The following RBL1 variants were observed in gnomAD, a reference collection of about 807,000 sequenced individuals.
RBL1 encodes RB transcriptional corepressor like 1.
Under a neutral mutation model 123.0 loss-of-function variants are expected in RBL1, and 82 were observed. The observed-to-expected ratio is 0.67, with a 90% CI of 0.56 to 0.80. The LOEUF is 0.80. Ranked by LOEUF, RBL1 falls within the 30% of genes least tolerant of loss-of-function variation. RBL1 has a pLI of 0.00. For missense variants in RBL1, 1,171 were observed against 1,299.6 expected (o/e 0.90, Z 1.52); for synonymous variants, 405 against 441.3 (o/e 0.92, Z 1.03).
intron 9 of RBL1, among the ~76,000 whole-genome samples, chr20:37,059,291 G>GT (rs1270158928): frequency 6.6e-6 from 1 of 152,210 alleles, no homozygotes; most frequent in South Asian, 2.1e-4. Flanking sequence ...TATCCTGAAG[G>GT]TTTGAGGAAT....
intron 21 of RBL1, among the ~76,000 whole-genome samples, chr20:37,000,934 C>T (rs1387481740): frequency 4.1e-5 from 6 of 144,818 alleles, no homozygotes; most frequent in South Asian, 2.2e-4. Flanking sequence ...CCGCCCCATC[C>T]GGGAGGTGAG....
At chr20:37,061,033 C>A (rs930686541) in intron 9 of RBL1, 70 bp downstream of exon 9, 4 of 1,409,294 alleles carry the variant, frequency 2.8e-6, no homozygotes, top group Non-Finnish European at 2.8e-6. Flanking sequence ...TCTGAATATA[C>A]TAAAAATAGA....
intron 11 of RBL1, among the ~76,000 whole-genome samples, chr20:37,048,259 C>T (rs1270189896): frequency 6.6e-6 from 1 of 152,146 alleles, no homozygotes; most frequent in African/African-American, 2.4e-5. Flanking sequence ...GGTGGGTGAT[C>T]TGAAAGTCTT....
intron 18 of RBL1, 24 bp downstream of exon 18, chr20:37,020,635 A>G (rs1183364703): frequency 2.0e-6 from 3 of 1,468,660 alleles, no homozygotes; most frequent in Non-Finnish European, 1.9e-6. Context: ...ATTTTTGGAC[A>G]GTAGGAAAAA....
intron 21 of RBL1, among the ~76,000 whole-genome samples, chr20:36,999,522 C>T (rs1056531920): frequency 1.1e-4 from 16 of 147,408 alleles, no homozygotes; most frequent in Non-Finnish European, 2.1e-4. Flanking sequence ...TCTCTTTCCA[C>T]GGTCTCCCCC....
chr20:37,048,286 C>T (rs2064848868), intron 11 of RBL1, among the ~76,000 whole-genome samples: 1 of 152,136 alleles, frequency 6.6e-6, no homozygotes, highest in African/African-American at 2.4e-5. Context: ...CTCAGGTCCC[C>T]ACACAACCCC....
At chr20:37,092,537 T>C (rs2065665897) in intron 1 of RBL1, among the ~76,000 whole-genome samples, 1 of 152,048 alleles carries the variant, frequency 6.6e-6, no homozygotes, top group Non-Finnish European at 1.5e-5. Context: ...CCCAGCTAAT[T>C]TTTGTAGAGA....
Position 37,025,494 on chromosome 20 carries a change from C to T in RBL1, c.2383-2668G>A, listed in dbSNP as rs562219768. On this transcript the variant is annotated intron_variant, in intron 16 of 21. Coordinates refer to ENST00000373664, the MANE Select transcript of RBL1 (RefSeq NM_002895.5). ...ATGATCTTGCCACTGCACCCCTGCA[C>T]GGGTGACAGAGCAAGACCTTGTCTC... Among the ~76,000 whole-genome samples, 13 of 151,570 alleles carry T rather than the reference C, an allele frequency of 8.6e-5. No individual in the cohort carries two copies. The South Asian group carries it at 2.7e-3, about 31-fold the overall frequency.
chr20:37,092,465 C>A (rs2065664888), intron 1 of RBL1, among the ~76,000 whole-genome samples: 1 of 152,102 alleles, frequency 6.6e-6, no homozygotes, highest in Non-Finnish European at 1.5e-5. Context: ...ACCTCCCAGG[C>A]TCAAGCAATC....
chr20:37,032,454 C>T (rs997491215), intron 16 of RBL1, among the ~76,000 whole-genome samples: 10 of 151,506 alleles, frequency 6.6e-5, no homozygotes, highest in African/African-American at 2.2e-4. Flanking sequence ...AATGGGAAGA[C>T]GAAAAAGTTC....
At chr20:37,083,120 C>G (rs1342832406) in intron 2 of RBL1, among the ~76,000 whole-genome samples, 1 of 152,092 alleles carries the variant, frequency 6.6e-6, no homozygotes, top group East Asian at 1.9e-4. Flanking sequence ...TCTGAATGAA[C>G]ACATTGATGC....
rs2063897148 is a variant in RBL1 at position 36,997,147 on chromosome 20, C to G, written c.*1612G>C. 6.6e-6 allele frequency: 1 copy of G among 152,088 alleles called. No individual in the cohort carries two copies. Among genetic ancestry groups the G allele is most frequent in the South Asian group, 2.1e-4 (1 of 4,830 alleles). The allele number at this position is 152,088 out of a possible 1,614,324, so 9.4% of individuals were successfully genotyped here. A position where few individuals can be genotyped will look rare whatever the true frequency, so the allele number is the denominator to read the frequency against. ...GTGGCTTATTCATGTCCTTTGGATTCCAGACACACACTAGAAAAAGTAAAC... is the reference window on the plus strand; with the variant it reads ...GTGGCTTATTCATGTCCTTTGGATTGCAGACACACACTAGAAAAAGTAAAC... On this transcript the variant is annotated 3_prime_UTR_variant, in exon 22 of 22. Transcript: ENST00000373664.
rs1385884279 is a variant in RBL1 at position 36,998,183 on chromosome 20, T to C, written c.*576A>G. On this transcript the variant is annotated 3_prime_UTR_variant, in exon 22 of 22. Coordinates refer to ENST00000373664, the MANE Select transcript of RBL1 (RefSeq NM_002895.5). ...TATGGGGTTTCTCCTTATTTCATCTTGAAAACTCAAGGAGCAAACATTAAA... is the reference window on the plus strand; with the variant it reads ...TATGGGGTTTCTCCTTATTTCATCTCGAAAACTCAAGGAGCAAACATTAAA... 1 of 152,000 alleles carries C rather than the reference T, an allele frequency of 6.6e-6. No individual in the cohort carries two copies. The highest frequency in any genetic ancestry group is 1.5e-5 in the Non-Finnish European group (1 of 68,000). 9.4% of individuals were successfully genotyped at this position (152,000 alleles called of 1,614,324 possible).
chr20:37,094,318 CCTTA>C (rs1328988885), intron 1 of RBL1, among the ~76,000 whole-genome samples: 1 of 152,190 alleles, frequency 6.6e-6, no homozygotes, highest in Non-Finnish European at 1.5e-5. Context: ...TTCTAATCTC[CCTTA>C]CTTTCTTATT....
At chr20:37,000,614 C>T (rs1214451087) in intron 21 of RBL1, among the ~76,000 whole-genome samples, 7 of 143,092 alleles carry the variant, frequency 4.9e-5, no homozygotes, top group African/African-American at 7.8e-5. Flanking sequence ...GCCCCGGGCC[C>T]GGCCAGCCGC....
intron 1 of RBL1, among the ~76,000 whole-genome samples, chr20:37,094,014 A>G (rs1039951833): frequency 4.6e-5 from 7 of 152,188 alleles, no homozygotes; most frequent in African/African-American, 1.7e-4. Context: ...AAGATGTCCT[A>G]TTCAACTCTG....
intron 2 of RBL1, among the ~76,000 whole-genome samples, chr20:37,079,579 C>T (rs1316561893): frequency 6.6e-6 from 1 of 150,608 alleles, no homozygotes; most frequent in Non-Finnish European, 1.5e-5. Flanking sequence ...TGATCCTCTA[C>T]CTCAGCCTCC....
chr20:37,057,755 A>T (rs2146288616), intron 9 of RBL1, among the ~76,000 whole-genome samples: 1 of 152,248 alleles, frequency 6.6e-6, no homozygotes, highest in East Asian at 1.9e-4. Flanking sequence ...TCGGGAGGCC[A>T]AGGTAGGTGG....
intron 2 of RBL1, among the ~76,000 whole-genome samples, chr20:37,079,544 A>G (rs1342251003): frequency 9.0e-5 from 13 of 144,516 alleles, no homozygotes; most frequent in Non-Finnish European, 1.9e-4. Flanking sequence ...ATAGCTCACT[A>G]TAGTCTGGAA....
Sources: allele counts gnomAD v4.1 joint callset (sites outside exome capture counted in the v4.1 genomes callset), GRCh38; gene constraint gnomAD v4.1.1; transcripts MANE v1.5; gene names NCBI Gene and HGNC (gene_info 2026-07-23, HGNC 2026-07-21).